PLS3: variants seen among roughly 807,000 people sequenced by gnomAD.
PLS3 encodes plastin 3.
A neutral mutation model predicts 46.5 loss-of-function variants in PLS3; 11 were observed. The ratio of observed to expected loss-of-function variants is 0.24; its 90% CI spans 0.15 to 0.39. The LOEUF is 0.39. Among genes scored for constraint, PLS3 ranks in the 10% least tolerant of loss-of-function variants. The pLI is 1.00. For missense variants in PLS3, 308 were observed against 461.8 expected (o/e 0.67, Z 3.05); for synonymous variants, 167 against 162.2 (o/e 1.03, Z -0.22).
chrX:115,640,102 C>G, intron 8 of PLS3: 4 of 1,124,241 alleles, frequency 3.6e-6, no homozygotes, highest in Non-Finnish European at 4.7e-6. Flanking sequence ...CTTGTTTTGT[C>G]TGTCAAGCTT....
At chrX:115,645,132 C>G (rs782812682) in intron 11 of PLS3, 33 bp downstream of exon 11, 18 of 838,356 alleles carry the variant, frequency 2.1e-5, no homozygotes, top group African/African-American at 1.6e-4. Flanking sequence ...TAAACAGTTA[C>G]GAATGTCATG....
chrX:115,630,338 C>G (rs983751463), intron 5 of PLS3, among the ~76,000 whole-genome samples: 5 of 110,969 alleles, frequency 4.5e-5, no homozygotes, highest in Admixed American at 2.0e-4. Flanking sequence ...CTAAAAAATG[C>G]TTTTGTCACT....
At chrX:115,643,211 G>A in intron 9 of PLS3, 102 bp from the exon 10 acceptor site, 1 of 533,230 alleles carries the variant, frequency 1.9e-6, no homozygotes, top group Non-Finnish European at 3.2e-6. Flanking sequence ...CCATATGTTA[G>A]CTAAAAGAAA....
In PLS3 at chrX:115,630,568, T is replaced by C. The variant is rs1201795064; in HGVS notation, c.500+601T>C. Among the ~76,000 whole-genome samples the C allele has an allele frequency of 4.6e-5, 5 of 107,780 alleles. No homozygotes were observed. The Admixed American group carries it at 5.3e-4, about 11-fold the overall frequency. 93.6% of individuals were successfully genotyped at this position (107,780 alleles called of 115,157 possible). A position where few individuals can be genotyped will look rare whatever the true frequency, so the allele number is the denominator to read the frequency against. On this transcript the variant is annotated intron_variant, in intron 5 of 15. Coordinates refer to ENST00000355899, the MANE Select transcript of PLS3 (RefSeq NM_005032.7). ...TTTGCATTTCAGTTTCCATCTGTTA[T>C]GATCTCCACATTATTATACTTATCT...
chrX:115,643,188 T>TA, intron 9 of PLS3, 125 bp from the exon 10 acceptor site: 1 of 469,064 alleles, frequency 2.1e-6, no homozygotes, highest in East Asian at 3.5e-5. Flanking sequence ...TCAAAACAAT[T>TA]TTATAATAAG....
chrX:115,650,347 T>C lies in PLS3; in HGVS notation c.*786T>C, dbSNP rs1556642360. 2 of 112,017 alleles carry C rather than the reference T, an allele frequency of 1.8e-5. No homozygotes were observed. The highest frequency in any genetic ancestry group is 6.5e-5 in the African/African-American group (2 of 30,786). The allele number at this position is 112,017 out of a possible 1,213,427, so 9.2% of individuals were successfully genotyped here. A position where few individuals can be genotyped will look rare whatever the true frequency, so the allele number is the denominator to read the frequency against. On this transcript the variant is annotated 3_prime_UTR_variant, in exon 16 of 16. Transcript: ENST00000355899. ...TAAATCACTTGGTTCAATACATGCT[T>C]ATTTGTTTTAAAACCTGTATCATCA...
At chrX:115,643,279 C>A (rs782712925) in intron 9 of PLS3, 34 bp from the exon 10 acceptor site, 11 of 970,441 alleles carry the variant, frequency 1.1e-5, no homozygotes, top group Non-Finnish European at 5.8e-6. Flanking sequence ...TTTAGTGTGG[C>A]CTTTGACAAA....
chrX:115,601,683 A>G (rs1556634615), intron 1 of PLS3, among the ~76,000 whole-genome samples: 1 of 110,843 alleles, frequency 9.0e-6, no homozygotes, highest in Non-Finnish European at 1.9e-5. Context: ...TAGGCCAGAC[A>G]TGAGGTGATA....
Position 115,649,681 on chromosome X carries a change from G to T in PLS3, c.*120G>T. Reference sequence around the variant, plus strand: ...GGCCATTCAAAGGACTTTTCATTTTGATTAACAGGACTAGCTTATCATGAG... The same window carrying T: ...GGCCATTCAAAGGACTTTTCATTTTTATTAACAGGACTAGCTTATCATGAG... On this transcript the variant is annotated 3_prime_UTR_variant, in exon 16 of 16. Transcript: ENST00000355899. The T allele has an allele frequency of 6.6e-6, 4 of 608,633 alleles. No individual in the cohort carries two copies. The highest frequency in any genetic ancestry group is 1.0e-5 in the Non-Finnish European group (4 of 399,650). The allele number at this position is 608,633 out of a possible 1,213,427, so 50.2% of individuals were successfully genotyped here.
chrX:115,635,505 G>A (rs2074822248), intron 7 of PLS3, among the ~76,000 whole-genome samples: 1 of 108,337 alleles, frequency 9.2e-6, no homozygotes, highest in Non-Finnish European at 1.9e-5. Flanking sequence ...CAAAAAATTA[G>A]CCAGGCGAGG....
At chrX:115,571,173 G>A (rs1457078561) in intron 1 of PLS3, among the ~76,000 whole-genome samples, 1 of 111,003 alleles carries the variant, frequency 9.0e-6, no homozygotes, top group Non-Finnish European at 1.9e-5. Flanking sequence ...GATTACAGGC[G>A]TGAGCCACTG....
intron 2 of PLS3, among the ~76,000 whole-genome samples, chrX:115,620,882 C>T (rs1397589763): frequency 1.9e-5 from 2 of 107,309 alleles, no homozygotes; most frequent in African/African-American, 3.4e-5. Context: ...TTAGTGAAGA[C>T]GGGGTTTTGC....
At chrX:115,647,306 A>G (rs782417421) in intron 13 of PLS3, among the ~76,000 whole-genome samples, 1 of 111,007 alleles carries the variant, frequency 9.0e-6, no homozygotes, top group Non-Finnish European at 1.9e-5. Context: ...GGTGGTGGGC[A>G]CCTGTAGTCC....
At chrX:115,638,174 T>C (rs972662818) in intron 8 of PLS3, among the ~76,000 whole-genome samples, 2 of 110,637 alleles carry the variant, frequency 1.8e-5, no homozygotes, top group African/African-American at 6.6e-5. Flanking sequence ...GCAGTGGCAC[T>C]ATCTCGGCTC....
chrX:115,561,419 T>C lies in PLS3; in HGVS notation c.-9+159T>C, dbSNP rs181700781. ...GAGAGGGAGGTCGGAGAAATTTCAG[T>C]TGGAGCCCTCGGGCGCCCGGGCGAT... On this transcript the variant is annotated intron_variant, in intron 1 of 15. Transcript: ENST00000355899. Among the ~76,000 whole-genome samples the C allele has an allele frequency of 1.3e-3, 147 of 111,277 alleles. 2 individuals carry two copies. In the East Asian group the frequency reaches 0.029, roughly 22 times the overall value.
intron 7 of PLS3, among the ~76,000 whole-genome samples, chrX:115,636,128 G>A (rs782707097): frequency 9.0e-6 from 1 of 110,685 alleles, no homozygotes; most frequent in South Asian, 3.8e-4. Flanking sequence ...AAATACCACC[G>A]TGTTTCTAGA....
intron 8 of PLS3, among the ~76,000 whole-genome samples, chrX:115,638,826 C>T (rs782333224): frequency 6.6e-4 from 72 of 109,629 alleles, no homozygotes; most frequent in South Asian, 2.4e-3. Flanking sequence ...CATTCTCCTG[C>T]CTCAGCCTCC....
intron 1 of PLS3, among the ~76,000 whole-genome samples, chrX:115,590,383 C>T (rs1274262828): frequency 2.7e-5 from 3 of 111,269 alleles, no homozygotes; most frequent in African/African-American, 9.8e-5. Context: ...TAGTAAAAAC[C>T]GAGATCCTGT....
intron 3 of PLS3, among the ~76,000 whole-genome samples, chrX:115,625,322 C>T (rs957944883): frequency 5.5e-5 from 6 of 109,045 alleles, no homozygotes; most frequent in South Asian, 8.0e-4. Context: ...TGTGTGTGCG[C>T]GCGTGTGTGT....
Sources: allele counts gnomAD v4.1 joint callset (sites outside exome capture counted in the v4.1 genomes callset), GRCh38; gene constraint gnomAD v4.1.1; transcripts MANE v1.5; gene names NCBI Gene and HGNC (gene_info 2026-07-23, HGNC 2026-07-21).